The following TRIM24 variants were observed in gnomAD, a reference collection of about 807,000 sequenced individuals.
TRIM24 encodes tripartite motif containing 24.
Under a neutral mutation model 123.9 loss-of-function variants are expected in TRIM24, and 29 were observed. The observed-to-expected ratio is 0.23, with a 90% confidence interval of 0.17 to 0.32. TRIM24 has a LOEUF of 0.32. Ranked by LOEUF, TRIM24 falls within the 10% of genes least tolerant of loss-of-function variation. The probability of loss-of-function intolerance (pLI) is 1.00; values close to 1 mark genes in which losing one functional copy is unlikely to be tolerated. For missense variants in TRIM24, 932 were observed against 1,295.3 expected, an observed-to-expected ratio of 0.72 and a Z score of 4.31; for synonymous variants, 456 against 461.1, an observed-to-expected ratio of 0.99 and a Z score of 0.14.
At chr7:138,527,822 G>A (rs972421214) in intron 5 of TRIM24, among the ~76,000 whole-genome samples, 13 of 152,172 alleles carry the variant, frequency 8.5e-5, no homozygotes, top group Non-Finnish European at 1.8e-4. Flanking sequence ...TGAAACAGGA[G>A]GATTTTATTG....
intron 9 of TRIM24, among the ~76,000 whole-genome samples, chr7:138,560,547 G>A (rs1393461024): frequency 2.6e-5 from 4 of 152,212 alleles, no homozygotes; most frequent in East Asian, 1.9e-4. Flanking sequence ...GGCCCTTGCC[G>A]TGGGTTGTTC....
chr7:138,485,674 T>G (rs1177376823), intron 1 of TRIM24, among the ~76,000 whole-genome samples: 2 of 152,146 alleles, frequency 1.3e-5, no homozygotes, highest in Non-Finnish European at 2.9e-5. Flanking sequence ...CATGAACTCA[T>G]CCTTTTTTAT....
At chr7:138,552,609 C>A (rs1797234758) in intron 8 of TRIM24, among the ~76,000 whole-genome samples, 1 of 152,024 alleles carries the variant, frequency 6.6e-6, no homozygotes, top group Admixed American at 6.6e-5. Flanking sequence ...AAGATGGTTT[C>A]TTATCCCCAA....
chr7:138,550,318 G>GGT (rs10548154), intron 7 of TRIM24, among the ~76,000 whole-genome samples: 7,712 of 147,424 alleles, frequency 0.052, 266 homozygotes, highest in African/African-American at 0.1. Context: ...AGGAGTTGAT[G>GGT]GTGTGTGTGT....
At chr7:138,563,255 G>A (rs1797464255) in intron 9 of TRIM24, among the ~76,000 whole-genome samples, 1 of 152,156 alleles carries the variant, frequency 6.6e-6, no homozygotes, top group Admixed American at 6.5e-5. Context: ...GGTTCCTTCA[G>A]GGTGCAGCAG....
chr7:138,543,630 A>G (rs1563054246), intron 7 of TRIM24, among the ~76,000 whole-genome samples: 3 of 152,164 alleles, frequency 2.0e-5, no homozygotes, highest in Non-Finnish European at 4.4e-5. Context: ...TTTATATTTT[A>G]CTATATATTT....
At chr7:138,575,943 T>C (rs1482500739) in intron 12 of TRIM24, among the ~76,000 whole-genome samples, 1 of 152,190 alleles carries the variant, frequency 6.6e-6, no homozygotes, top group African/African-American at 2.4e-5. Context: ...CCACCTTTCG[T>C]TGTCTTCTGT....
chr7:138,488,233 T>C (rs1382816715), intron 1 of TRIM24, among the ~76,000 whole-genome samples: 1 of 152,144 alleles, frequency 6.6e-6, no homozygotes, highest in Admixed American at 6.5e-5. Flanking sequence ...TTCTTCTCTT[T>C]TTTCTTCTTT....
intron 7 of TRIM24, among the ~76,000 whole-genome samples, chr7:138,544,038 C>CCTA (rs1249824279): frequency 1.3e-5 from 2 of 152,016 alleles, no homozygotes; most frequent in Non-Finnish European, 2.9e-5. Flanking sequence ...TTCTGTCACC[C>CCTA]CAGCTGTCTT....
intron 1 of TRIM24, among the ~76,000 whole-genome samples, chr7:138,466,752 C>T (rs984989032): frequency 2.3e-4 from 35 of 152,202 alleles, no homozygotes; most frequent in Admixed American, 9.8e-4. Context: ...CTCTGGCTTG[C>T]ATGCTCATTT....
chr7:138,479,352 C>T (rs1284471662), intron 1 of TRIM24, among the ~76,000 whole-genome samples: 1 of 152,074 alleles, frequency 6.6e-6, no homozygotes, highest in Non-Finnish European at 1.5e-5. Flanking sequence ...AGAAGTTAAC[C>T]GTTTGTCCAA....
At chr7:138,513,880 G>T (rs112818947) in intron 2 of TRIM24, among the ~76,000 whole-genome samples, 6,089 of 152,288 alleles carry the variant, frequency 0.04, 156 homozygotes, top group Middle Eastern at 0.088. Context: ...TTACTGTGGA[G>T]ATTACATTCT....
At chr7:138,536,945 C>G (rs1056981998) in intron 6 of TRIM24, among the ~76,000 whole-genome samples, 1 of 152,210 alleles carries the variant, frequency 6.6e-6, no homozygotes, top group African/African-American at 2.4e-5. Flanking sequence ...TCGCTGCCGC[C>G]TTGCAGTTCG....
chr7:138,557,178 G>A (rs529354613), intron 9 of TRIM24, among the ~76,000 whole-genome samples: 1 of 152,176 alleles, frequency 6.6e-6, no homozygotes, highest in Non-Finnish European at 1.5e-5. Flanking sequence ...TTGGGCTCTG[G>A]CTTTCCAGAT....
At chr7:138,518,284 T>C (rs949355753) in intron 3 of TRIM24, among the ~76,000 whole-genome samples, 1 of 152,194 alleles carries the variant, frequency 6.6e-6, no homozygotes, top group African/African-American at 2.4e-5. Flanking sequence ...AATGTAACAC[T>C]GCACTATACT....
At chr7:138,545,280 C>CA (rs767325850) in intron 7 of TRIM24, among the ~76,000 whole-genome samples, 1 of 152,044 alleles carries the variant, frequency 6.6e-6, no homozygotes, top group African/African-American at 2.4e-5. Flanking sequence ...GGTCACTGCA[C>CA]ATTGGAGAGG....
chr7:138,534,012 T>C (rs935167384), intron 6 of TRIM24, among the ~76,000 whole-genome samples: 2 of 152,216 alleles, frequency 1.3e-5, no homozygotes, highest in Admixed American at 1.3e-4. Context: ...TAGAGGTGTT[T>C]ATAGTATTCT....
chr7:138,536,603 G>A (rs964878207), intron 6 of TRIM24, among the ~76,000 whole-genome samples: 41 of 152,364 alleles, frequency 2.7e-4, no homozygotes, highest in South Asian at 1.2e-3. Flanking sequence ...GTACCCGGCT[G>A]TGTGAGGTGT....
intron 6 of TRIM24, among the ~76,000 whole-genome samples, chr7:138,533,165 A>G (rs1796784793): frequency 6.6e-6 from 1 of 152,190 alleles, no homozygotes; most frequent in Non-Finnish European, 1.5e-5. Context: ...GCAAACAGGG[A>G]CAATTTGACT....
Sources: allele counts gnomAD v4.1 joint callset (sites outside exome capture counted in the v4.1 genomes callset), GRCh38; gene constraint gnomAD v4.1.1; transcripts MANE v1.5; gene names NCBI Gene and HGNC (gene_info 2026-07-23, HGNC 2026-07-21).